Variants in EPS15L1 observed in about 807,000 individuals in gnomAD.
The protein encoded by EPS15L1 is epidermal growth factor receptor pathway substrate 15 like 1.
A neutral mutation model predicts 117.1 loss-of-function variants in EPS15L1; 43 were observed. The ratio of observed to expected loss-of-function variants is 0.37; its 90% CI spans 0.29 to 0.47. The LOEUF is 0.47. Ranked by LOEUF, EPS15L1 falls within the 20% of genes least tolerant of loss-of-function variation. The pLI is 0.99. For synonymous variants in EPS15L1, 459 were observed against 470.5 expected (o/e 0.98, Z 0.32); for missense variants, 981 against 1,164.0 (o/e 0.84, Z 2.29).
At chr19:16,410,173 A>C (rs1356395111) in intron 13 of EPS15L1, among the ~76,000 whole-genome samples, 3 of 152,156 alleles carry the variant, frequency 2.0e-5, no homozygotes, top group African/African-American at 7.2e-5. Context: ...CGGCAAGAAA[A>C]AAATTTTTTC....
intron 1 of EPS15L1, among the ~76,000 whole-genome samples, chr19:16,447,229 T>C (rs1002197349): frequency 5.9e-5 from 9 of 152,184 alleles, no homozygotes; most frequent in Non-Finnish European, 2.9e-5. Flanking sequence ...CGCTGGGGTA[T>C]GTCTAACCTT....
chr19:16,442,620 A>G (rs1234978718), intron 1 of EPS15L1, among the ~76,000 whole-genome samples: 1 of 152,184 alleles, frequency 6.6e-6, no homozygotes, highest in African/African-American at 2.4e-5. Flanking sequence ...TCCACGCATT[A>G]TCATAAATCA....
intron 19 of EPS15L1, 74 bp downstream of exon 19, chr19:16,392,230 G>C (rs1033294698): frequency 4.7e-5 from 73 of 1,555,702 alleles, no homozygotes; most frequent in Non-Finnish European, 6.3e-5. Context: ...AGGGAAGGGG[G>C]CCTTCGGGAA....
chr19:16,369,478 T>C lies in EPS15L1; in HGVS notation c.2381-7494A>G, dbSNP rs566962890. 1.8e-3 allele frequency among the ~76,000 whole-genome samples: 278 copies of C among 152,292 alleles called. 2 individuals carry two copies. The highest frequency in any genetic ancestry group is 6.8e-3 in the Middle Eastern group (2 of 294). On this transcript the variant is annotated intron_variant, in intron 22 of 23. Transcript: ENST00000455140. ...GGTGTGTGAGGTGGGCAGGGGGCTG[T>C]TGAACCCAATGGCTGTGGCCTCATC...
intron 11 of EPS15L1, 91 bp from the exon 12 acceptor site, chr19:16,417,728 T>G: frequency 7.9e-7 from 1 of 1,264,786 alleles, no homozygotes; most frequent in South Asian, 1.2e-5. Flanking sequence ...AGGGATAAAA[T>G]TGTCCCTTTA....
intron 22 of EPS15L1, among the ~76,000 whole-genome samples, chr19:16,372,391 A>T (rs1181516629): frequency 3.3e-5 from 5 of 152,212 alleles, no homozygotes; most frequent in Non-Finnish European, 7.3e-5. Flanking sequence ...CGGAATTTGA[A>T]AACTGCAGCC....
chr19:16,423,738 G>A (rs183622956), intron 9 of EPS15L1, among the ~76,000 whole-genome samples: 48 of 152,310 alleles, frequency 3.2e-4, no homozygotes, highest in African/African-American at 1.0e-3. Flanking sequence ...TGAGAAATGG[G>A]CTTGCTGCCT....
chr19:16,471,885 G>A lies in EPS15L1; in HGVS notation c.33+28C>T, dbSNP rs1221301485. ...CTCGCCTCGCGCCCCGCACCCCGGC[G>A]CCGCCCCCAGGCCCGCCCGGCCCGT... is the stretch of plus-strand genomic sequence containing the variant. On this transcript the variant is annotated intron_variant, in intron 1 of 23. Coordinates refer to ENST00000455140, the MANE Select transcript of EPS15L1 (RefSeq NM_001258374.3). This position sits in a 1 kb window ranked among gnomAD's most constrained non-coding sequence, Gnocchi z 4.8. 3.1e-6 allele frequency: 4 copies of A among 1,286,656 alleles called. No homozygotes were observed. Among genetic ancestry groups the A allele is most frequent in the Admixed American group, 7.0e-5 (2 of 28,542 alleles). The allele number at this position is 1,286,656 out of a possible 1,614,324, so 79.7% of individuals were successfully genotyped here.
intron 13 of EPS15L1, among the ~76,000 whole-genome samples, chr19:16,411,284 C>G (rs1234851527): frequency 3.3e-5 from 5 of 152,124 alleles, no homozygotes; most frequent in African/African-American, 9.7e-5. Context: ...GAGTAGTTGC[C>G]AGGGGCTGGA....
intron 1 of EPS15L1, among the ~76,000 whole-genome samples, chr19:16,446,410 G>A (rs914717775): frequency 1.3e-5 from 2 of 152,160 alleles, no homozygotes; most frequent in African/African-American, 4.8e-5. Flanking sequence ...ACAAACCAAT[G>A]ATCATCAGCC....
At chr19:16,362,511 C>CT (rs71178690) in intron 22 of EPS15L1, among the ~76,000 whole-genome samples, 2,591 of 56,138 alleles carry the variant, frequency 0.046, 449 homozygotes, top group Non-Finnish European at 0.065. Context: ...GGTTTAAGTT[C>CT]TTTTTTTTTT....
chr19:16,441,876 A>C lies in EPS15L1; in HGVS notation c.165+16T>G. 1 of 1,600,004 alleles carries C rather than the reference A, an allele frequency of 6.2e-7. No individual in the cohort carries two copies. Among genetic ancestry groups the C allele is most frequent in the Non-Finnish European group, 8.6e-7 (1 of 1,169,028 alleles). On this transcript the variant is annotated intron_variant, in intron 3 of 23. Transcript: ENST00000455140. Reference sequence around the variant, plus strand: ...GGGCAGCCACAGAAGAGAAATCACTATTCATCTTCACATACCTTCCCAAGG... The same window carrying C: ...GGGCAGCCACAGAAGAGAAATCACTCTTCATCTTCACATACCTTCCCAAGG...
In EPS15L1 at chr19:16,446,945, A is replaced by G. The variant is rs17723614; in HGVS notation, c.34-4726T>C. On this transcript the variant is annotated intron_variant, in intron 1 of 23. Coordinates refer to ENST00000455140, the MANE Select transcript of EPS15L1 (RefSeq NM_001258374.3). ...CCAAGTTTTGCAGGAAGTTAGGCAT[A>G]TAACACTGAAACACATCTCAGTCTG... Among the ~76,000 whole-genome samples, 420 of 152,378 alleles carry G rather than the reference A, an allele frequency of 2.8e-3. 11 individuals carry two copies. In the East Asian group the frequency reaches 0.067, roughly 24 times the overall value.
Position 16,425,120 on chromosome 19 carries a change from C to A in EPS15L1, c.755G>T (p.Gly252Val). The part of the protein sequence containing the change: ...HGSVSSLNST[G>V]SLSPKHSLKQ... ...GAGGCTGTGCTTGGGGGACAGGCTC[C>A]CTGTGCTGTTGAGGCTGCTGACGCT... Residue 252 changes from glycine to valine, a missense_variant, in exon 9 of 24, where the codon GGG becomes GTG. Physicochemically the swap from Gly to Val is moderately radical, Grantham distance 109. Transcript: ENST00000455140. 2 of 1,614,198 alleles carry A rather than the reference C, an allele frequency of 1.2e-6. No homozygotes were observed. Among genetic ancestry groups the A allele is most frequent in the Non-Finnish European group, 1.7e-6 (2 of 1,180,030 alleles).
chr19:16,417,801 G>T, intron 11 of EPS15L1, 147 bp downstream of exon 11: 1 of 1,270,628 alleles, frequency 7.9e-7, no homozygotes, highest in Non-Finnish European at 1.1e-6. Context: ...GGGCAGCCAA[G>T]CCACCCTCCC....
Position 16,404,030 on chromosome 19 carries a change from G to T in EPS15L1, c.1429-100C>A, listed in dbSNP as rs2092629935. The T allele has an allele frequency of 8.6e-7, 1 of 1,159,210 alleles. No homozygotes were observed. The highest frequency in any genetic ancestry group is 1.2e-6 in the Non-Finnish European group (1 of 809,942). The allele number at this position is 1,159,210 out of a possible 1,614,324, so 71.8% of individuals were successfully genotyped here. On this transcript the variant is annotated intron_variant, in intron 14 of 23. Coordinates refer to ENST00000455140, the MANE Select transcript of EPS15L1 (RefSeq NM_001258374.3). This position sits in a 1 kb window ranked among gnomAD's most constrained non-coding sequence, Gnocchi z 4.2. ...AGCCCCCATCCCCGAAACAAGCTAA[G>T]CCAGGGACGCAGACACCTAACCCAG...
intron 1 of EPS15L1, among the ~76,000 whole-genome samples, chr19:16,456,331 GC>G (rs1212439069): frequency 6.6e-6 from 1 of 152,210 alleles, no homozygotes; most frequent in Non-Finnish European, 1.5e-5. Context: ...CTAAGAGGCA[GC>G]ACTGAGGATA....
At position 16,371,113 on chromosome 19, in the gene EPS15L1, T is replaced by C. The variant is rs1365106151; in HGVS notation, c.2380+6009A>G. Among the ~76,000 whole-genome samples, 2 of 152,258 alleles carry C rather than the reference T, an allele frequency of 1.3e-5. No homozygotes were observed. Among genetic ancestry groups the C allele is most frequent in the Non-Finnish European group, 2.9e-5 (2 of 68,042 alleles). ...CCGCAGGGTTCAAATGGAGATGCCA[T>C]TTTTAAAGTGGATCTTGTGCAATCA... On this transcript the variant is annotated intron_variant, in intron 22 of 23. Coordinates refer to ENST00000455140, the MANE Select transcript of EPS15L1 (RefSeq NM_001258374.3). This position sits in a 1 kb window ranked among gnomAD's most constrained non-coding sequence, Gnocchi z 4.7.
chr19:16,425,233 T>C lies in EPS15L1; in HGVS notation c.642A>G (p.Arg214=). ...LPPSLIPPSK[R]KKTVFPGAVP... ...CGGCGCCAGGGAACACAGTCTTCTTTCTCTTGGAGGGTGGGATGAGGGACG... is the reference window on the plus strand; with the variant it reads ...CGGCGCCAGGGAACACAGTCTTCTTCCTCTTGGAGGGTGGGATGAGGGACG... The change falls in exon 9 of 24, where the codon AGA becomes AGG. Residue 214 remains arginine, a synonymous_variant. Transcript: ENST00000455140. The C allele has an allele frequency of 6.4e-7, 1 of 1,566,638 alleles. No homozygotes were observed.
Sources: allele counts gnomAD v4.1 joint callset (sites outside exome capture counted in the v4.1 genomes callset), GRCh38; gene constraint gnomAD v4.1.1; non-coding constraint Gnocchi (gnomAD v3.1); transcripts MANE v1.5; gene names NCBI Gene and HGNC (gene_info 2026-07-23, HGNC 2026-07-21).